The following RARB variants were observed in gnomAD, a reference collection of about 807,000 sequenced individuals.
The protein encoded by RARB is retinoic acid receptor beta.
Under a neutral mutation model 51.9 loss-of-function variants are expected in RARB, and 17 were observed. That is an observed-to-expected ratio of 0.33 (90% CI 0.22 to 0.49). The LOEUF (loss-of-function observed/expected upper bound fraction) is 0.49. Ranked by LOEUF, RARB falls within the 20% of genes least tolerant of loss-of-function variation. RARB has a pLI of 0.99. For missense variants in RARB, 369 were observed against 550.8 expected (o/e 0.67, Z 3.30); for synonymous variants, 215 against 195.4 (o/e 1.10, Z -0.84).
rs1243111227 is a variant in RARB at position 24,990,449 on chromosome 3, A to G, written c.-379-69676A>G. On this transcript the variant is annotated intron_variant, in intron 2 of 11. Transcript: ENST00000383772. ...CTACATTTTAAAAAAAATCCTGCCTAATCTAACATAAATATACTTAGATAT... is the reference window on the plus strand; with the variant it reads ...CTACATTTTAAAAAAAATCCTGCCTGATCTAACATAAATATACTTAGATAT... Among the ~76,000 whole-genome samples the G allele has an allele frequency of 2.0e-5, 2 of 99,482 alleles. 1 individual carries two copies. Among genetic ancestry groups the G allele is most frequent in the Non-Finnish European group, 3.9e-5 (2 of 50,666 alleles). The allele number at this position is 99,482 out of a possible 152,430, so 65.3% of individuals were successfully genotyped here.
chr3:25,072,427 G>A (rs1022260381), intron 3 of RARB, among the ~76,000 whole-genome samples: 2 of 152,118 alleles, frequency 1.3e-5, no homozygotes, highest in Admixed American at 1.3e-4. Flanking sequence ...TGTGATGTGA[G>A]CCTCAAGATA....
intron 3 of RARB, among the ~76,000 whole-genome samples, chr3:25,534,841 G>A (rs1457219736): frequency 2.0e-5 from 3 of 152,174 alleles, no homozygotes; most frequent in Non-Finnish European, 4.4e-5. Flanking sequence ...AACACTGGAA[G>A]AAGTTCCAGC....
At chr3:25,585,386 G>A (rs367604314) in intron 5 of RARB, among the ~76,000 whole-genome samples, 3 of 152,300 alleles carry the variant, frequency 2.0e-5, no homozygotes, top group African/African-American at 7.2e-5. Flanking sequence ...CTGGATAAAG[G>A]AGGGCAAAAT....
At chr3:25,311,369 C>T (rs925370250) in intron 5 of RARB, among the ~76,000 whole-genome samples, 2 of 152,204 alleles carry the variant, frequency 1.3e-5, no homozygotes, top group East Asian at 1.9e-4. Flanking sequence ...TTAAAAGATA[C>T]GGCACTAGCC....
chr3:25,004,979 C>T (rs1697239690), intron 2 of RARB, among the ~76,000 whole-genome samples: 1 of 152,088 alleles, frequency 6.6e-6, no homozygotes, highest in African/African-American at 2.4e-5. Flanking sequence ...TTTCGTTTTG[C>T]TAGTCTTGTA....
At chr3:25,591,300 G>C (rs536957177) in intron 5 of RARB, among the ~76,000 whole-genome samples, 2 of 152,276 alleles carry the variant, frequency 1.3e-5, no homozygotes, top group South Asian at 4.1e-4. Flanking sequence ...AATATAAAAC[G>C]AAGTTTCTGT....
intron 3 of RARB, among the ~76,000 whole-genome samples, chr3:25,074,041 C>T (rs960051129): frequency 1.1e-4 from 16 of 152,306 alleles, no homozygotes; most frequent in South Asian, 2.1e-4. Context: ...GCACCTACTA[C>T]GTGTCAGGCA....
chr3:25,550,826 G>A (rs1389977108), intron 3 of RARB, among the ~76,000 whole-genome samples: 2 of 152,150 alleles, frequency 1.3e-5, no homozygotes, highest in Non-Finnish European at 2.9e-5. Context: ...ACTTATAAGT[G>A]AGGACATGTG....
At chr3:24,994,844 T>G (rs1417483084) in intron 2 of RARB, among the ~76,000 whole-genome samples, 1 of 152,112 alleles carries the variant, frequency 6.6e-6, no homozygotes, top group Non-Finnish European at 1.5e-5. Context: ...TTTATTTCAT[T>G]GTTGTATGTG....
intron 5 of RARB, among the ~76,000 whole-genome samples, chr3:25,351,448 G>A (rs571784736): frequency 1.3e-5 from 2 of 151,910 alleles, no homozygotes; most frequent in Admixed American, 6.6e-5. Flanking sequence ...AATATTATGT[G>A]CTTGCATCTC....
chr3:25,312,769 C>T (rs1704320699), intron 5 of RARB, among the ~76,000 whole-genome samples: 1 of 152,194 alleles, frequency 6.6e-6, no homozygotes, highest in South Asian at 2.1e-4. Flanking sequence ...TAGATGGCCC[C>T]ACTGGGGAAC....
intron 5 of RARB, among the ~76,000 whole-genome samples, chr3:25,321,932 G>A (rs1704583570): frequency 6.6e-6 from 1 of 151,612 alleles, no homozygotes; most frequent in Non-Finnish European, 1.5e-5. Flanking sequence ...TAGAAGGATG[G>A]ATGCTAATTG....
intron 2 of RARB, among the ~76,000 whole-genome samples, chr3:24,870,286 C>T (rs1424880334): frequency 3.3e-5 from 5 of 151,944 alleles, no homozygotes; most frequent in South Asian, 4.1e-4. Context: ...ATCTTTAAAT[C>T]TTGTCTTTCA....
At chr3:25,018,846 T>G (rs1014738093) in intron 2 of RARB, among the ~76,000 whole-genome samples, 4 of 152,166 alleles carry the variant, frequency 2.6e-5, no homozygotes, top group Admixed American at 6.5e-5. Flanking sequence ...TTCTGGGTGA[T>G]GGATAAGAAA....
intron 5 of RARB, among the ~76,000 whole-genome samples, chr3:25,397,320 C>T (rs1198953977): frequency 1.4e-5 from 2 of 145,588 alleles, no homozygotes; most frequent in Non-Finnish European, 3.0e-5. Flanking sequence ...TTTCAGGTTC[C>T]TCCGTGAGGA....
In RARB at chr3:25,267,990, G is replaced by A. The variant is rs547257498; in HGVS notation, c.178+93415G>A. ...CTCTCAAGGTATTTTCAAATGCTAG[G>A]AGGAGAGTTATATATTTCTTAAGTC... On this transcript the variant is annotated intron_variant, in intron 5 of 11. Coordinates refer to the RARB transcript ENST00000383772. Among the ~76,000 whole-genome samples, 3 of 152,276 alleles carry A rather than the reference G, an allele frequency of 2.0e-5. No homozygotes were observed. The East Asian group carries it at 5.8e-4, about 29-fold the overall frequency.
At chr3:25,442,269 G>A (rs1490232201) in intron 1 of RARB, among the ~76,000 whole-genome samples, 1 of 152,028 alleles carries the variant, frequency 6.6e-6, no homozygotes, top group Non-Finnish European at 1.5e-5. Flanking sequence ...CTGAGTAGCT[G>A]GGATTACAGG....
At chr3:25,171,468 T>C in intron 4 of RARB, among the ~76,000 whole-genome samples, 1 of 90,520 alleles carries the variant, frequency 1.1e-5, no homozygotes, top group Non-Finnish European at 2.1e-5. Context: ...TTTTGCCTAT[T>C]ATCAGTATAA....
At chr3:25,275,058 C>T (rs1011594545) in intron 5 of RARB, among the ~76,000 whole-genome samples, 1 of 152,216 alleles carries the variant, frequency 6.6e-6, no homozygotes, top group African/African-American at 2.4e-5. Flanking sequence ...TTCGTCTTCT[C>T]TTGGCCCCAT....
Sources: gnomAD v4.1 joint callset for allele counts (sites outside exome capture counted in the v4.1 genomes callset) on GRCh38, gnomAD v4.1.1 for gene constraint, MANE v1.5 for transcripts, NCBI Gene and HGNC (gene_info 2026-07-23, HGNC 2026-07-21) for gene names.